The following AQP9 variants were observed in gnomAD, a reference collection of about 807,000 sequenced individuals.
The protein encoded by AQP9 is aquaporin 9.
Under a neutral mutation model 23.8 loss-of-function variants are expected in AQP9, and 19 were observed. The observed-to-expected ratio is 0.80, with a 90% CI of 0.56 to 1.17. The LOEUF (loss-of-function observed/expected upper bound fraction) is 1.17. AQP9 is among the 50% of genes most tolerant of loss of function. AQP9 has a pLI of 0.00. For missense variants in AQP9, 413 were observed against 362.0 expected (o/e 1.14, Z -1.14); for synonymous variants, 153 against 131.5 (o/e 1.16, Z -1.12).
At chr15:58,152,831 C>T (rs1179342024) in intron 1 of AQP9, 1 of 152,186 alleles carries the variant, frequency 6.6e-6, no homozygotes, top group Non-Finnish European at 1.5e-5. Context: ...TCAACTCCCA[C>T]TAAGCTTCAA....
intron 1 of AQP9, among the ~76,000 whole-genome samples, chr15:58,159,031 TAATA>T (rs1451950490): frequency 5.3e-5 from 8 of 152,300 alleles, no homozygotes; most frequent in Non-Finnish European, 8.8e-5. Flanking sequence ...TTAAAGGACA[TAATA>T]AATATAAAAG....
intron 1 of AQP9, among the ~76,000 whole-genome samples, chr15:58,161,204 T>G (rs1898376352): frequency 6.6e-6 from 1 of 152,080 alleles, no homozygotes; most frequent in Non-Finnish European, 1.5e-5. Flanking sequence ...TGACAGACTA[T>G]GGGTGGCCAA....
intron 1 of AQP9, among the ~76,000 whole-genome samples, chr15:58,154,800 C>A (rs531312707): frequency 2.5e-4 from 38 of 152,090 alleles, no homozygotes; most frequent in Non-Finnish European, 4.1e-4. Flanking sequence ...TTAACCCTAT[C>A]CCCTCCCCAT....
At chr15:58,167,883 T>C (rs1382605516) in intron 2 of AQP9, among the ~76,000 whole-genome samples, 1 of 151,988 alleles carries the variant, frequency 6.6e-6, no homozygotes, top group Non-Finnish European at 1.5e-5. Context: ...CTGCCACACC[T>C]GGCTAATTAT....
At chr15:58,147,834 T>C (rs1411005470) in intron 1 of AQP9, among the ~76,000 whole-genome samples, 2 of 151,940 alleles carry the variant, frequency 1.3e-5, no homozygotes, top group African/African-American at 2.4e-5. Flanking sequence ...GCTATTCAAG[T>C]AGAAAAAGCA....
At chr15:58,156,075 A>G (rs1330694416) in intron 1 of AQP9, 1 of 152,170 alleles carries the variant, frequency 6.6e-6, no homozygotes, top group Non-Finnish European at 1.5e-5. Context: ...CTGCCCTTGT[A>G]GTATAACTCA....
intron 1 of AQP9, among the ~76,000 whole-genome samples, chr15:58,161,547 C>A (rs1038566358): frequency 3.9e-5 from 6 of 152,128 alleles, no homozygotes; most frequent in Non-Finnish European, 8.8e-5. Flanking sequence ...CCCTCTCTCA[C>A]CAAAATTAAA....
rs372462588 is a variant in AQP9, at chr15:58,174,871, A to G, written c.377-47A>G. On this transcript the variant is annotated intron_variant, in intron 3 of 5. Coordinates refer to ENST00000219919, the MANE Select transcript of AQP9 (RefSeq NM_020980.5). The stretch of plus-strand genomic sequence containing the variant: ...ACAAGGCTTGGCACAGGCCTCCTTC[A>G]ACTCTTCCCAGGGAACACTAATGTG... 9.7e-6 allele frequency: 15 copies of G among 1,545,848 alleles called. No homozygotes were observed. The African/African-American group carries it at 1.9e-4, about 20-fold the overall frequency.
chr15:58,161,439 A>G (rs1305818519), intron 1 of AQP9, among the ~76,000 whole-genome samples: 9 of 152,198 alleles, frequency 5.9e-5, no homozygotes, highest in African/African-American at 2.2e-4. Flanking sequence ...CTTTCCTACA[A>G]AAAGCACTAA....
intron 1 of AQP9, among the ~76,000 whole-genome samples, chr15:58,160,402 A>T (rs1898350972): frequency 6.6e-6 from 1 of 152,142 alleles, no homozygotes; most frequent in Admixed American, 6.5e-5. Context: ...TATTATGGTT[A>T]TCAATCCCTT....
intron 1 of AQP9, chr15:58,146,905 C>T (rs948768576): frequency 2.6e-5 from 4 of 152,212 alleles, no homozygotes; most frequent in African/African-American, 9.6e-5. Flanking sequence ...ACTAAGAGAC[C>T]TCGTGCTTCC....
At chr15:58,161,486 G>T (rs941628212) in intron 1 of AQP9, among the ~76,000 whole-genome samples, 3 of 152,130 alleles carry the variant, frequency 2.0e-5, no homozygotes, top group Admixed American at 2.0e-4. Context: ...TCTTCAGAGA[G>T]TAATCATAAA....
At chr15:58,183,530 C>T (rs577389958) in intron 5 of AQP9, among the ~76,000 whole-genome samples, 2 of 152,214 alleles carry the variant, frequency 1.3e-5, no homozygotes, top group East Asian at 3.9e-4. Flanking sequence ...AAAACATTTC[C>T]TGATTGATTA....
intron 1 of AQP9, chr15:58,153,526 A>G (rs1898190637): frequency 1.3e-5 from 2 of 152,202 alleles, no homozygotes; most frequent in Non-Finnish European, 2.9e-5. Context: ...CAAGCCAACT[A>G]GGCCTTATAA....
intron 1 of AQP9, chr15:58,164,156 G>T (rs1460713905): frequency 6.6e-6 from 1 of 152,220 alleles, no homozygotes; most frequent in Non-Finnish European, 1.5e-5. Context: ...TAGAGTGGAA[G>T]AGGGGAGTAT....
chr15:58,157,777 G>A (rs1392264350), intron 1 of AQP9, among the ~76,000 whole-genome samples: 1 of 152,142 alleles, frequency 6.6e-6, no homozygotes, highest in African/African-American at 2.4e-5. Flanking sequence ...GTCTGTGCAA[G>A]GGGAGCTAGA....
At chr15:58,148,078 T>C (rs746268033) in intron 1 of AQP9, among the ~76,000 whole-genome samples, 65 of 152,324 alleles carry the variant, frequency 4.3e-4, no homozygotes, top group Non-Finnish European at 7.9e-4. Context: ...TACATATTCA[T>C]ATGTATTTTC....
intron 2 of AQP9, among the ~76,000 whole-genome samples, chr15:58,168,056 C>G (rs1430271472): frequency 6.6e-6 from 1 of 151,928 alleles, no homozygotes; most frequent in Non-Finnish European, 1.5e-5. Flanking sequence ...GAGTCTCACT[C>G]TGTTGCCCAG....
chr15:58,149,605 T>C (rs1385451413), intron 1 of AQP9, among the ~76,000 whole-genome samples: 1 of 152,228 alleles, frequency 6.6e-6, no homozygotes, highest in African/African-American at 2.4e-5. Context: ...TTAGTTGTTA[T>C]TGGTATTATT....
Sources: gnomAD v4.1 joint callset for allele counts (sites outside exome capture counted in the v4.1 genomes callset) on GRCh38, gnomAD v4.1.1 for gene constraint, MANE v1.5 for transcripts, NCBI Gene and HGNC (gene_info 2026-07-23, HGNC 2026-07-21) for gene names.